The following COLQ variants were observed in gnomAD, a reference collection of about 807,000 sequenced individuals.
COLQ encodes the protein acetylcholinesterase collagenic tail peptide.
In COLQ, 48 loss-of-function variants were observed where a neutral mutation model predicts 69.0. That is an observed-to-expected ratio of 0.70 (90% CI 0.55 to 0.88). The LOEUF (loss-of-function observed/expected upper bound fraction) is 0.88, where lower values mean the gene tolerates loss of function less well. Ranked by LOEUF, COLQ falls within the 40% of genes least tolerant of loss-of-function variation. The pLI, the probability that COLQ is intolerant of heterozygous loss-of-function variation, is 0.00. For synonymous variants in COLQ, 217 were observed against 211.2 expected (o/e 1.03, Z -0.24); for missense variants, 618 against 594.6 (o/e 1.04, Z -0.41).
chr3:15,464,065 TC>T (rs1559515160), intron 12 of COLQ, among the ~76,000 whole-genome samples: 1 of 152,240 alleles, frequency 6.6e-6, no homozygotes, highest in Non-Finnish European at 1.5e-5. Context: ...AACAAACTTT[TC>T]TTTCTGCCTT....
chr3:15,505,132 T>C (rs560150558), intron 1 of COLQ, among the ~76,000 whole-genome samples: 1 of 152,208 alleles, frequency 6.6e-6, no homozygotes, highest in African/African-American at 2.4e-5. Context: ...TCAGCCCAAC[T>C]CCCTTGTTGG....
rs2062051385 is a variant in COLQ at position 15,458,194 on chromosome 3, C to T, written c.946G>A (p.Val316Ile). 3.7e-6 allele frequency: 6 copies of T among 1,613,708 alleles called. No homozygotes were observed. The highest frequency in any genetic ancestry group is 1.1e-5 in the South Asian group (1 of 91,050). Reference sequence around the variant, plus strand: ...CTCCCAGAAAGCCTTACCACAGGAACTCGCGGGGAACTGGGCCCATACACA... The same window carrying T: ...CTCCCAGAAAGCCTTACCACAGGAATTCGCGGGGAACTGGGCCCATACACA... ...ESVYGPSSPR[V>I]PVIFVVNNQE... Residue 316 changes from valine (V) to isoleucine (I), a missense_variant, in exon 13 of 17, where the codon GTT becomes ATT. Val to Ile is a conservative substitution (Grantham distance 29). Transcript: ENST00000383788.
chr3:15,478,938 G>A, intron 5 of COLQ, 39 bp downstream of exon 5: 2 of 1,613,994 alleles, frequency 1.2e-6, no homozygotes, highest in Non-Finnish European at 1.7e-6. Flanking sequence ...ATGAAGCACA[G>A]ACGCTCATGT....
chr3:15,454,837 A>T (rs1356823132), intron 15 of COLQ, among the ~76,000 whole-genome samples: 1 of 149,646 alleles, frequency 6.7e-6, no homozygotes, highest in Non-Finnish European at 1.5e-5. Context: ...TTTAATTTTT[A>T]TTTTTTTTTG....
chr3:15,506,335 G>A (rs1462088328), intron 1 of COLQ, among the ~76,000 whole-genome samples: 1 of 152,116 alleles, frequency 6.6e-6, no homozygotes, highest in East Asian at 1.9e-4. Flanking sequence ...ATGGTGTTTT[G>A]TTTAATTGTT....
At position 15,461,578 on chromosome 3, in the gene COLQ, T is replaced by C. The variant is rs1322935710; in HGVS notation, c.815-3253A>G. Among the ~76,000 whole-genome samples, 9 of 152,124 alleles carry C rather than the reference T, an allele frequency of 5.9e-5. No individual in the cohort carries two copies. In the East Asian group the frequency reaches 1.7e-3, roughly 29 times the overall value. On this transcript the variant is annotated intron_variant, in intron 12 of 16. Coordinates refer to ENST00000383788, the MANE Select transcript of COLQ (RefSeq NM_005677.4). ...CATTGGCTGCCTCAGTGGGAAAGGA[T>C]CAGGAAAGGGGAATCTAGGAGAGGG... is the stretch of plus-strand genomic sequence containing the variant.
intron 11 of COLQ, chr3:15,467,753 G>A (rs1007813508): frequency 9.6e-6 from 4 of 415,922 alleles, no homozygotes; most frequent in African/African-American, 4.1e-5. Flanking sequence ...CTTGCGCCTT[G>A]GCAGGCTTGC....
intron 10 of COLQ, among the ~76,000 whole-genome samples, chr3:15,472,962 CA>C (rs2062314909): frequency 6.6e-6 from 1 of 151,816 alleles, no homozygotes; most frequent in Non-Finnish European, 1.5e-5. Flanking sequence ...TGGGCTCAAG[CA>C]ATTCTCCCAC....
chr3:15,486,550 C>G (rs1329888908), intron 3 of COLQ, among the ~76,000 whole-genome samples: 8 of 152,158 alleles, frequency 5.3e-5, no homozygotes, highest in Non-Finnish European at 1.2e-4. Flanking sequence ...AGCAGAAAAT[C>G]CCCCTTTTCT....
chr3:15,490,221 G>T (rs2062641461), intron 1 of COLQ, among the ~76,000 whole-genome samples: 2 of 152,160 alleles, frequency 1.3e-5, no homozygotes, highest in Middle Eastern at 3.2e-3. Flanking sequence ...AATAAAGGGA[G>T]GGCCCTGAAC....
chr3:15,475,300 T>C, intron 7 of COLQ, 125 bp downstream of exon 7: 1 of 956,976 alleles, frequency 1.0e-6, no homozygotes, highest in Non-Finnish European at 1.6e-6. Flanking sequence ...AAAGGCAGGC[T>C]CTCCAATATC....
At position 15,451,418 on chromosome 3, in the gene COLQ, T is replaced by C. The variant is rs1490498356; in HGVS notation, c.*226A>G. ...GTAGCGATGGGGAACAGGTCTCAGG[T>C]TGGGCATGTGGAAGGTTTTCCAGTA... On this transcript the variant is annotated 3_prime_UTR_variant, in exon 17 of 17. Coordinates refer to ENST00000383788, the MANE Select transcript of COLQ (RefSeq NM_005677.4). 2 of 674,704 alleles carry C rather than the reference T, an allele frequency of 3.0e-6. No individual in the cohort carries two copies. The highest frequency in any genetic ancestry group is 2.5e-5 in the East Asian group (1 of 39,404). The allele number at this position is 674,704 out of a possible 1,614,324, so 41.8% of individuals were successfully genotyped here.
At chr3:15,503,311 C>T (rs2062858130) in intron 1 of COLQ, among the ~76,000 whole-genome samples, 1 of 152,104 alleles carries the variant, frequency 6.6e-6, no homozygotes, top group Admixed American at 6.5e-5. Context: ...CCAGAGTGAG[C>T]CCTGTGAAGT....
intron 12 of COLQ, among the ~76,000 whole-genome samples, chr3:15,464,942 G>A (rs759176854): frequency 2.5e-4 from 38 of 152,302 alleles, no homozygotes; most frequent in Non-Finnish European, 5.0e-4. Flanking sequence ...TTGGGAGGCC[G>A]AGGTGGGCGG....
chr3:15,492,622 G>A (rs994566255), intron 1 of COLQ, among the ~76,000 whole-genome samples: 24 of 151,634 alleles, frequency 1.6e-4, no homozygotes, highest in African/African-American at 5.3e-4. Context: ...AGCCGAGATC[G>A]CGCCACTGCA....
chr3:15,465,352 C>T (rs1313599964), intron 12 of COLQ, among the ~76,000 whole-genome samples: 7 of 149,818 alleles, frequency 4.7e-5, no homozygotes, highest in Non-Finnish European at 7.4e-5. Flanking sequence ...CTGCAAGCTC[C>T]GCCTCCCAGG....
intron 1 of COLQ, among the ~76,000 whole-genome samples, chr3:15,500,133 G>C (rs2062811713): frequency 6.6e-6 from 1 of 152,198 alleles, no homozygotes; most frequent in Non-Finnish European, 1.5e-5. Context: ...GGTGGGATTT[G>C]AGCTGATACT....
intron 1 of COLQ, among the ~76,000 whole-genome samples, chr3:15,490,263 C>A (rs2062642194): frequency 6.6e-6 from 1 of 152,152 alleles, no homozygotes. Flanking sequence ...AAAAGTCTCA[C>A]CCATGTTCAA....
chr3:15,467,975 GC>G, intron 11 of COLQ: 1 of 456,746 alleles, frequency 2.2e-6, no homozygotes, highest in South Asian at 1.5e-5. Context: ...GAGTTCTTAA[GC>G]CTCAGCCTAG....
Sources: allele counts gnomAD v4.1 joint callset (sites outside exome capture counted in the v4.1 genomes callset), GRCh38; gene constraint gnomAD v4.1.1; transcripts MANE v1.5; gene names NCBI Gene and HGNC (gene_info 2026-07-23, HGNC 2026-07-21).